The following MGST1 variants were observed in gnomAD, a reference collection of about 807,000 sequenced individuals.
MGST1 encodes glutathione S-transferase 12.
In MGST1, 5 loss-of-function variants were observed where a neutral mutation model predicts 8.9. That is an observed-to-expected ratio of 0.56 (90% confidence interval 0.29 to 1.19). MGST1 has a LOEUF of 1.19. Among genes scored for constraint, MGST1 ranks in the 50% most tolerant of loss-of-function variants. The pLI, the probability that MGST1 is intolerant of heterozygous loss-of-function variation, is 0.08. For missense variants in MGST1, 182 were observed against 187.4 expected, an observed-to-expected ratio of 0.97 and a Z score of 0.17; for synonymous variants, 54 against 67.8, an observed-to-expected ratio of 0.80 and a Z score of 1.00.
rs368790034 is a variant in MGST1 at position 16,427,970 on chromosome 12, TG to T, written n.779-9417del. On this transcript the variant is annotated intron_variant and non_coding_transcript_variant, in intron 1 of 1. Transcript: ENST00000359720. ...ATATTTCTCTTGAGGCATTATACAT[TG>T]TTTTTATTCTCTTTTGTGTTCTTTC... Among the ~76,000 whole-genome samples, 499 of 152,150 alleles carry T rather than the reference TG, an allele frequency of 3.3e-3. 4 individuals are homozygous for T. The highest frequency in any genetic ancestry group is 0.011 in the African/African-American group (459 of 41,562).
chr12:16,441,981 G>A (rs913583802), downstream of MGST1, among the ~76,000 whole-genome samples: 4 of 151,812 alleles, frequency 2.6e-5, no homozygotes, highest in African/African-American at 7.3e-5. Context: ...ATTTGGTGCT[G>A]TCAGTATTCT....
rs1363741596 is a variant in MGST1 at position 16,584,151 on chromosome 12, A to T, written n.483-5377A>T. On this transcript the variant is annotated intron_variant and non_coding_transcript_variant, in intron 4 of 4. Coordinates refer to the MGST1 transcript ENST00000538857. This position sits in a 1 kb window ranked among gnomAD's most constrained non-coding sequence, Gnocchi z 5.2. ...AGAATTGTGGTAAGAGGGAAATGAC[A>T]GCAGTGAGTAGGGGTAAAAGGTAGT... is the stretch of plus-strand genomic sequence containing the variant. Among the ~76,000 whole-genome samples the T allele has an allele frequency of 6.6e-6, 1 of 152,142 alleles. No individual in the cohort carries two copies. Among genetic ancestry groups the T allele is most frequent in the African/African-American group, 2.4e-5 (1 of 41,442 alleles).
intron 4 of MGST1, among the ~76,000 whole-genome samples, chr12:16,557,105 T>C (rs900860162): frequency 3.9e-5 from 6 of 152,192 alleles, no homozygotes; most frequent in East Asian, 1.9e-4. Flanking sequence ...AAAATAGATA[T>C]ATGATTTGTA....
intron 1 of MGST1, chr12:16,437,264 G>C (rs1011752902): frequency 6.6e-6 from 1 of 151,946 alleles, no homozygotes; most frequent in African/African-American, 2.4e-5. Context: ...TTATAGACCA[G>C]ATTGTCGGGA....
rs149490140 is a variant in MGST1 at position 16,387,758 on chromosome 12, C to T, written n.778+4154C>T. Among the ~76,000 whole-genome samples, 25 of 152,270 alleles carry T rather than the reference C, an allele frequency of 1.6e-4. No individual in the cohort carries two copies. The East Asian group carries it at 4.9e-3, about 30-fold the overall frequency. On this transcript the variant is annotated intron_variant and non_coding_transcript_variant, in intron 1 of 1. Transcript: ENST00000359720. ...AACCAGGATGGTCTCGATCTCCTGACCTCATGATCTGCCCGCCTTGGCCTC... is the reference window on the plus strand; with the variant it reads ...AACCAGGATGGTCTCGATCTCCTGATCTCATGATCTGCCCGCCTTGGCCTC...
intron 4 of MGST1, among the ~76,000 whole-genome samples, chr12:16,578,317 C>A (rs1943056279): frequency 6.6e-6 from 1 of 152,050 alleles, no homozygotes; most frequent in African/African-American, 2.4e-5. Flanking sequence ...TTGTATTTTA[C>A]TTAGCTTACC....
intron 4 of MGST1, among the ~76,000 whole-genome samples, chr12:16,459,725 G>C (rs1054116212): frequency 3.3e-5 from 5 of 152,042 alleles, no homozygotes; most frequent in African/African-American, 1.2e-4. Context: ...TTTTACTAGA[G>C]TGTCACACAG....
chr12:16,396,721 T>C (rs1204283897), intron 1 of MGST1, among the ~76,000 whole-genome samples: 2 of 151,986 alleles, frequency 1.3e-5, no homozygotes, highest in South Asian at 2.1e-4. Flanking sequence ...TAGGAATATA[T>C]CTAAGCAAGG....
At chr12:16,515,413 G>A (rs942879538) in intron 4 of MGST1, among the ~76,000 whole-genome samples, 4 of 152,104 alleles carry the variant, frequency 2.6e-5, no homozygotes, top group African/African-American at 7.2e-5. Flanking sequence ...ACTTTGGGTG[G>A]GTCACTTGAG....
At position 16,347,896 on chromosome 12, in the gene MGST1, C is replaced by G. The variant is rs999758550; in HGVS notation, c.-23+186C>G. On this transcript the variant is annotated intron_variant, in intron 1 of 3. Transcript: ENST00000396210. This position sits in a 1 kb window ranked among gnomAD's most constrained non-coding sequence, Gnocchi z 4.0. ...AGGGAATTGTATTTCTGTCCCCGTGCGGGTAAGTTTTCCCATTTCTCAAAC... is the reference window on the plus strand; with the variant it reads ...AGGGAATTGTATTTCTGTCCCCGTGGGGGTAAGTTTTCCCATTTCTCAAAC... The G allele has an allele frequency of 1.3e-5, 2 of 152,188 alleles. No homozygotes were observed. Among genetic ancestry groups the G allele is most frequent in the Non-Finnish European group, 2.9e-5 (2 of 68,032 alleles). 9.4% of individuals were successfully genotyped at this position (152,188 alleles called of 1,614,324 possible).
chr12:16,368,901 A>G (rs1033366324), downstream of MGST1, among the ~76,000 whole-genome samples: 7 of 152,182 alleles, frequency 4.6e-5, no homozygotes, highest in Non-Finnish European at 7.3e-5. Context: ...CTGATATACC[A>G]CGAAGAGATC....
chr12:16,483,919 A>T (rs1015060951), intron 4 of MGST1, among the ~76,000 whole-genome samples: 30 of 152,318 alleles, frequency 2.0e-4, no homozygotes, highest in African/African-American at 7.2e-4. Context: ...AACACACAAA[A>T]TATTTACAAA....
downstream of MGST1, among the ~76,000 whole-genome samples, chr12:16,365,875 G>GA (rs34379048): frequency 6.6e-6 from 1 of 152,086 alleles, no homozygotes; most frequent in East Asian, 1.9e-4. Flanking sequence ...GGAGCAATTT[G>GA]AAAAAAGTAT....
In MGST1 at chr12:16,559,063, C is replaced by T. The variant is rs1373320493; in HGVS notation, n.483-30465C>T. On this transcript the variant is annotated intron_variant and non_coding_transcript_variant, in intron 4 of 4. Transcript: ENST00000538857. The surrounding 1 kb of genome is among the most constrained non-coding windows in gnomAD (Gnocchi z 4.1). ...TTCTTTCTACTATTCTACAGGGTCT[C>T]ATAAGAAGATTCTGCATCAAATAGT... is the stretch of plus-strand genomic sequence containing the variant. Among the ~76,000 whole-genome samples the T allele has an allele frequency of 6.6e-6, 1 of 152,122 alleles. No homozygotes were observed. Among genetic ancestry groups the T allele is most frequent in the African/African-American group, 2.4e-5 (1 of 41,434 alleles).
chr12:16,385,708 T>C (rs1206274299), intron 1 of MGST1, among the ~76,000 whole-genome samples: 18 of 143,540 alleles, frequency 1.3e-4, no homozygotes, highest in South Asian at 2.2e-4. Context: ...TTTTTTTTTT[T>C]CCTCAATCTG....
intron 1 of MGST1, among the ~76,000 whole-genome samples, chr12:16,352,459 T>A (rs1490339791): frequency 6.6e-6 from 1 of 152,144 alleles, no homozygotes; most frequent in East Asian, 1.9e-4. Flanking sequence ...GCAGGATAAA[T>A]AGCCTCTAAG....
chr12:16,499,393 C>T (rs1226783355), intron 4 of MGST1, among the ~76,000 whole-genome samples: 1 of 152,172 alleles, frequency 6.6e-6, no homozygotes, highest in African/African-American at 2.4e-5. Flanking sequence ...AGGTCTAGAA[C>T]ATTTTACCAG....
chr12:16,528,361 T>G (rs1941702169), intron 4 of MGST1, among the ~76,000 whole-genome samples: 2 of 151,622 alleles, frequency 1.3e-5, no homozygotes. Context: ...TCTTATAGAG[T>G]GCAAGGACAA....
At chr12:16,358,876 C>A (rs2270357) in intron 3 of MGST1, among the ~76,000 whole-genome samples, 83,118 of 145,188 alleles carry the variant, frequency 0.57, 25,232 homozygotes, top group Non-Finnish European at 0.69. Flanking sequence ...TTGATGGACA[C>A]CTAGGTTGCA....
Sources: gnomAD v4.1 joint callset for allele counts (sites outside exome capture counted in the v4.1 genomes callset) on GRCh38, gnomAD v4.1.1 for gene constraint, Gnocchi (gnomAD v3.1) non-coding constraint, MANE v1.5 for transcripts, NCBI Gene and HGNC (gene_info 2026-07-23, HGNC 2026-07-21) for gene names.